The following PTPRK variants were observed in gnomAD, a reference collection of about 807,000 sequenced individuals.
PTPRK encodes receptor-type tyrosine-protein phosphatase kappa.
PTPRK carries 75 observed loss-of-function variants against 178.0 expected under a neutral mutation model. The ratio of observed to expected loss-of-function variants is 0.42; its 90% CI spans 0.35 to 0.51. The LOEUF is 0.51. Ranked by LOEUF, PTPRK falls within the 20% of genes least tolerant of loss-of-function variation. PTPRK has a pLI of 0.02. For missense variants in PTPRK, 1,441 were observed against 1,797.8 expected, an observed-to-expected ratio of 0.80 and a Z score of 3.59; for synonymous variants, 637 against 620.6, an observed-to-expected ratio of 1.03 and a Z score of -0.39.
chr6:127,998,282 TA>T lies in PTPRK; in HGVS notation c.2679+437del, dbSNP rs565125525. 1.2e-3 allele frequency among the ~76,000 whole-genome samples: 184 copies of T among 152,110 alleles called. 1 individual carries two copies. The highest frequency in any genetic ancestry group is 1.1e-3 in the Non-Finnish European group (76 of 67,958). ...AACTGAGAGTGGCAAGTAGTATATT[TA>T]GAGCACAAAGCTTCATCTGATTTCT... On this transcript the variant is annotated intron_variant, in intron 16 of 29. Coordinates refer to ENST00000368226, the MANE Select transcript of PTPRK (RefSeq NM_002844.4).
intron 23 of PTPRK, 116 bp from the exon 24 acceptor site, chr6:127,983,096 T>C (rs1775540519): frequency 3.8e-6 from 5 of 1,300,828 alleles, no homozygotes; most frequent in Non-Finnish European, 5.2e-6. Flanking sequence ...AAAACACCAA[T>C]ATTTTTCTAT....
chr6:128,319,503 C>T (rs375661268), intron 3 of PTPRK, among the ~76,000 whole-genome samples: 1 of 152,076 alleles, frequency 6.6e-6, no homozygotes, highest in East Asian at 1.9e-4. Context: ...AAATAAAAAA[C>T]TTGAAAAGAA....
intron 3 of PTPRK, among the ~76,000 whole-genome samples, chr6:128,285,905 G>A (rs1822426193): frequency 6.6e-6 from 1 of 152,038 alleles, no homozygotes; most frequent in Admixed American, 6.6e-5. Context: ...TTAATCCTGG[G>A]CACCAGAAAG....
At chr6:128,314,545 C>T (rs1429299152) in intron 3 of PTPRK, among the ~76,000 whole-genome samples, 5 of 152,194 alleles carry the variant, frequency 3.3e-5, no homozygotes, top group Admixed American at 3.3e-4. Flanking sequence ...CAAATCTTTT[C>T]AATTCTGTCT....
At chr6:128,325,098 T>C (rs1829364597) in intron 2 of PTPRK, among the ~76,000 whole-genome samples, 1 of 152,210 alleles carries the variant, frequency 6.6e-6, no homozygotes, top group African/African-American at 2.4e-5. Context: ...TACAATGTAC[T>C]AGCTTTTAAT....
Position 127,975,906 on chromosome 6 carries a change from A to G in PTPRK, c.3969+751T>C, listed in dbSNP as rs1214131892. On this transcript the variant is annotated intron_variant, in intron 27 of 29. Transcript: ENST00000368226. Reference sequence around the variant, plus strand: ...AGGCTGGTCTTGAACTCCTGACCTTATGATCTGCCCGCCTTGGCCTCCCAA... The same window carrying G: ...AGGCTGGTCTTGAACTCCTGACCTTGTGATCTGCCCGCCTTGGCCTCCCAA... Among the ~76,000 whole-genome samples, 16 of 152,016 alleles carry G rather than the reference A, an allele frequency of 1.1e-4. No individual in the cohort carries two copies. In the East Asian group the frequency reaches 3.1e-3, roughly 29 times the overall value.
intron 1 of PTPRK, among the ~76,000 whole-genome samples, chr6:128,471,054 C>A (rs1313329138): frequency 6.6e-6 from 1 of 151,732 alleles, no homozygotes; most frequent in Non-Finnish European, 1.5e-5. Flanking sequence ...TATGATAATG[C>A]CTTCAATAAA....
At chr6:128,278,500 T>C (rs1048233415) in intron 3 of PTPRK, among the ~76,000 whole-genome samples, 1 of 152,082 alleles carries the variant, frequency 6.6e-6, no homozygotes, top group African/African-American at 2.4e-5. Context: ...TGAAAGAATC[T>C]CTCACCCTCC....
At chr6:128,500,203 T>C (rs987492682) in intron 1 of PTPRK, among the ~76,000 whole-genome samples, 1 of 152,058 alleles carries the variant, frequency 6.6e-6, no homozygotes, top group African/African-American at 2.4e-5. Context: ...AGTGAAGGAG[T>C]GGCTAAATAT....
intron 2 of PTPRK, among the ~76,000 whole-genome samples, chr6:128,324,671 C>G (rs899332048): frequency 6.6e-6 from 1 of 152,126 alleles, no homozygotes; most frequent in African/African-American, 2.4e-5. Flanking sequence ...GCCACATTCT[C>G]CGAGTGCTCT....
intron 3 of PTPRK, among the ~76,000 whole-genome samples, chr6:128,255,083 TG>T (rs1409637724): frequency 6.6e-6 from 1 of 152,160 alleles, no homozygotes; most frequent in African/African-American, 2.4e-5. Flanking sequence ...CTCCGCCTCC[TG>T]GGTTCAAGTG....
chr6:127,985,681 C>G (rs746418233), intron 22 of PTPRK, 40 bp downstream of exon 22: 1 of 1,535,028 alleles, frequency 6.5e-7, no homozygotes, highest in East Asian at 2.3e-5. Flanking sequence ...CTAAAAAAAG[C>G]TGATTGCATA....
intron 1 of PTPRK, among the ~76,000 whole-genome samples, chr6:128,418,598 C>A (rs553839973): frequency 8.5e-5 from 13 of 152,258 alleles, no homozygotes; most frequent in African/African-American, 3.1e-4. Flanking sequence ...CAATCCCTCA[C>A]CCTCATCTGG....
At chr6:128,063,702 A>T (rs1397187235) in intron 13 of PTPRK, among the ~76,000 whole-genome samples, 1 of 152,218 alleles carries the variant, frequency 6.6e-6, no homozygotes, top group African/African-American at 2.4e-5. Flanking sequence ...TACCAAAAGG[A>T]ATCTTCATAA....
intron 15 of PTPRK, chr6:128,000,311 A>G (rs571841534): frequency 1.7e-5 from 22 of 1,301,366 alleles, no homozygotes; most frequent in Non-Finnish European, 2.1e-5. Flanking sequence ...TGTTGTCCCC[A>G]TGATAAACAT....
chr6:127,986,546 C>G (rs1776001227), intron 21 of PTPRK, among the ~76,000 whole-genome samples: 1 of 152,094 alleles, frequency 6.6e-6, no homozygotes, highest in Non-Finnish European at 1.5e-5. Context: ...TTAAGAGAAC[C>G]CTGTAAATGC....
intron 12 of PTPRK, among the ~76,000 whole-genome samples, chr6:128,066,057 C>T (rs909763686): frequency 6.6e-6 from 1 of 152,184 alleles, no homozygotes; most frequent in African/African-American, 2.4e-5. Context: ...AACAGACATT[C>T]ATTAACACTC....
chr6:128,012,013 G>C (rs530086029), intron 13 of PTPRK, among the ~76,000 whole-genome samples: 3 of 151,346 alleles, frequency 2.0e-5, no homozygotes, highest in African/African-American at 7.2e-5. Context: ...AAGGCTGCCT[G>C]TCTGTCAAGA....
At chr6:128,464,391 G>A (rs1323584110) in intron 1 of PTPRK, among the ~76,000 whole-genome samples, 1 of 151,628 alleles carries the variant, frequency 6.6e-6, no homozygotes, top group African/African-American at 2.4e-5. Flanking sequence ...TAAGAAAAGA[G>A]TGCATTAACA....
Sources: allele counts gnomAD v4.1 joint callset (sites outside exome capture counted in the v4.1 genomes callset), GRCh38; gene constraint gnomAD v4.1.1; transcripts MANE v1.5; gene names NCBI Gene and HGNC (gene_info 2026-07-23, HGNC 2026-07-21).